The following TNIK variants were observed in gnomAD, a reference collection of about 807,000 sequenced individuals.
TNIK encodes TRAF2 and NCK interacting kinase.
A neutral mutation model predicts 191.3 loss-of-function variants in TNIK; 49 were observed. The observed-to-expected ratio is 0.26, with a 90% CI of 0.20 to 0.32. The LOEUF is 0.32. TNIK is among the 10% of genes least tolerant of loss of function. The pLI is 1.00. For missense variants in TNIK, 1,155 were observed against 1,702.3 expected (o/e 0.68, Z 5.66); for synonymous variants, 594 against 600.9 (o/e 0.99, Z 0.17).
At chr3:171,113,670 AAT>A (rs548371638) in intron 18 of TNIK, among the ~76,000 whole-genome samples, 1 of 151,122 alleles carries the variant, frequency 6.6e-6, no homozygotes, top group African/African-American at 2.4e-5. Context: ...TCCCATTAAA[AAT>A]ATATATATAT....
chr3:171,070,315 G>A (rs1307077270), intron 29 of TNIK, among the ~76,000 whole-genome samples: 1 of 152,168 alleles, frequency 6.6e-6, no homozygotes, highest in Non-Finnish European at 1.5e-5. Context: ...CCTACATGGT[G>A]TTCCAAGGGC....
chr3:171,315,729 T>TC (rs35476372), intron 2 of TNIK, among the ~76,000 whole-genome samples: 3,260 of 152,228 alleles, frequency 0.021, 53 homozygotes, highest in Middle Eastern at 0.041. Flanking sequence ...TACAAACTCA[T>TC]CCCTCCCATC....
intron 1 of TNIK, among the ~76,000 whole-genome samples, chr3:171,397,776 A>G (rs1054171599): frequency 6.6e-6 from 1 of 152,230 alleles, no homozygotes; most frequent in African/African-American, 2.4e-5. Context: ...ATCCAAATAC[A>G]TTAGATATTA....
chr3:171,265,353 T>C (rs1748252374), intron 2 of TNIK, among the ~76,000 whole-genome samples: 1 of 152,182 alleles, frequency 6.6e-6, no homozygotes, highest in Non-Finnish European at 1.5e-5. Context: ...CAATGATCAT[T>C]TTAAAGATGT....
intron 21 of TNIK, among the ~76,000 whole-genome samples, chr3:171,103,896 G>C (rs570675944): frequency 6.6e-6 from 1 of 151,968 alleles, no homozygotes; most frequent in African/African-American, 2.4e-5. Context: ...TAGTCCACAG[G>C]CTACTGATTT....
intron 1 of TNIK, among the ~76,000 whole-genome samples, chr3:171,408,717 A>T (rs1722023064): frequency 6.6e-6 from 1 of 152,172 alleles, no homozygotes; most frequent in Non-Finnish European, 1.5e-5. Context: ...CCTACCAGAC[A>T]TACAACACAA....
chr3:171,106,534 A>G (rs1185862042), intron 21 of TNIK: 1 of 323,080 alleles, frequency 3.1e-6, no homozygotes, highest in Non-Finnish European at 6.6e-6. Flanking sequence ...ATCTTAAAAA[A>G]ACAAATTCTA....
At chr3:171,080,439 A>G (rs567264879) in intron 27 of TNIK, among the ~76,000 whole-genome samples, 1 of 147,616 alleles carries the variant, frequency 6.8e-6, no homozygotes, top group African/African-American at 2.6e-5. Flanking sequence ...TTATTTATTT[A>G]TTTATTTTTT....
intron 2 of TNIK, among the ~76,000 whole-genome samples, chr3:171,355,654 A>G (rs1713930721): frequency 6.6e-6 from 1 of 152,248 alleles, no homozygotes; most frequent in African/African-American, 2.4e-5. Flanking sequence ...AGTATCTGAT[A>G]GAGGCATCTC....
intron 2 of TNIK, among the ~76,000 whole-genome samples, chr3:171,251,604 G>A (rs1439397603): frequency 6.6e-6 from 1 of 152,068 alleles, no homozygotes; most frequent in Non-Finnish European, 1.5e-5. Context: ...GCACTTAGTT[G>A]GGGCCTAATT....
At chr3:171,124,972 G>T (rs1339525330) in intron 17 of TNIK, among the ~76,000 whole-genome samples, 1 of 151,928 alleles carries the variant, frequency 6.6e-6, no homozygotes. Flanking sequence ...CTTCCACAAA[G>T]AATCTCAAAA....
chr3:171,385,684 T>C (rs1718634082), intron 1 of TNIK, among the ~76,000 whole-genome samples: 1 of 152,134 alleles, frequency 6.6e-6, no homozygotes, highest in Admixed American at 6.5e-5. Context: ...GGGGATAAAC[T>C]TGCTTTGTTA....
chr3:171,069,125 C>A (rs960561976), intron 29 of TNIK, 128 bp from the exon 30 acceptor site: 1 of 1,185,162 alleles, frequency 8.4e-7, no homozygotes, highest in African/African-American at 1.5e-5. Flanking sequence ...ATTTCTCTTT[C>A]AGTTTTAGGT....
chr3:171,269,255 TC>T (rs1748795982), intron 2 of TNIK, among the ~76,000 whole-genome samples: 1 of 48,506 alleles, frequency 2.1e-5, no homozygotes, highest in Non-Finnish European at 4.8e-5. Context: ...TTAAACACTC[TC>T]TCTTTCATTT....
At chr3:171,447,593 G>A (rs1173546592) in intron 1 of TNIK, among the ~76,000 whole-genome samples, 2 of 152,170 alleles carry the variant, frequency 1.3e-5, no homozygotes, top group Non-Finnish European at 1.5e-5. Flanking sequence ...GTAGCTCTAC[G>A]ATCTTTGGTA....
At position 171,257,926 on chromosome 3, in the gene TNIK, A is replaced by G. The variant is rs372286536; in HGVS notation, c.124-29705T>C. On this transcript the variant is annotated intron_variant, in intron 2 of 32. Transcript: ENST00000436636. ...TGAGATTCTGATTTCATTGCTGATG[A>G]ATCTCATTCCTGAGGTACAAGTCAC... Among the ~76,000 whole-genome samples, 100 of 152,294 alleles carry G rather than the reference A, an allele frequency of 6.6e-4. 1 individual carries two copies. The South Asian group carries it at 0.02, about 31-fold the overall frequency.
At chr3:171,127,430 A>G (rs1343835661) in intron 16 of TNIK, among the ~76,000 whole-genome samples, 1 of 151,974 alleles carries the variant, frequency 6.6e-6, no homozygotes, top group Non-Finnish European at 1.5e-5. Flanking sequence ...AGAGCCAAAA[A>G]ATAAAAAAAT....
intron 2 of TNIK, among the ~76,000 whole-genome samples, chr3:171,268,125 A>G (rs1360705551): frequency 2.6e-5 from 4 of 152,192 alleles, no homozygotes; most frequent in African/African-American, 9.7e-5. Flanking sequence ...ACCCCTCCTC[A>G]TAGAATATTA....
chr3:171,385,384 G>A (rs1298234555), intron 1 of TNIK, among the ~76,000 whole-genome samples: 1 of 152,154 alleles, frequency 6.6e-6, no homozygotes, highest in Admixed American at 6.5e-5. Flanking sequence ...CTAGACGGAG[G>A]TGTGTGGCAG....
Sources: gnomAD v4.1 joint callset for allele counts (sites outside exome capture counted in the v4.1 genomes callset) on GRCh38, gnomAD v4.1.1 for gene constraint, MANE v1.5 for transcripts, NCBI Gene and HGNC (gene_info 2026-07-23, HGNC 2026-07-21) for gene names.